The following CNOT1 variants were observed in gnomAD, a reference collection of about 807,000 sequenced individuals.
CNOT1 encodes CCR4-NOT transcription complex subunit 1, also known as CCR4-associated factor 1.
Under a neutral mutation model 273.8 loss-of-function variants are expected in CNOT1, and 15 were observed. The ratio of observed to expected loss-of-function variants is 0.05; its 90% CI spans 0.04 to 0.08. CNOT1 has a LOEUF of 0.08. CNOT1 is among the 10% of genes least tolerant of loss of function. The probability of loss-of-function intolerance (pLI) is 1.00; values close to 1 mark genes in which losing one functional copy is unlikely to be tolerated. For missense variants in CNOT1, 1,644 were observed against 2,912.2 expected, an observed-to-expected ratio of 0.56 and a Z score of 10.02; for synonymous variants, 1,022 against 1,005.5, an observed-to-expected ratio of 1.02 and a Z score of -0.31.
intron 1 of CNOT1, among the ~76,000 whole-genome samples, chr16:58,621,700 C>T (rs1244572597): frequency 6.7e-6 from 1 of 148,980 alleles, no homozygotes; most frequent in Non-Finnish European, 1.5e-5. Context: ...GGGCAGATCA[C>T]GAGGTCAGGA....
intron 38 of CNOT1, 114 bp from the exon 39 acceptor site, chr16:58,537,334 G>C: frequency 7.0e-7 from 1 of 1,419,850 alleles, no homozygotes; most frequent in Non-Finnish European, 9.3e-7. Flanking sequence ...TTACCACTTC[G>C]CTTTACCACT....
chr16:58,568,093 C>G (rs1393492588), intron 16 of CNOT1, among the ~76,000 whole-genome samples: 3 of 152,196 alleles, frequency 2.0e-5, no homozygotes, highest in Non-Finnish European at 4.4e-5. Context: ...GTAAAGAAGG[C>G]CGGGCACGGT....
chr16:58,585,186 C>T, intron 8 of CNOT1, 152 bp downstream of exon 8: 3 of 1,095,844 alleles, frequency 2.7e-6, no homozygotes, highest in East Asian at 2.5e-5. Context: ...ACAGCTGTCA[C>T]ACACACTAGT....
intron 25 of CNOT1, 94 bp downstream of exon 25, chr16:58,549,625 T>A (rs1328425497): frequency 6.8e-7 from 1 of 1,474,392 alleles, no homozygotes; most frequent in Non-Finnish European, 8.9e-7. Context: ...ATATTGACAA[T>A]ATATATGGAA....
At position 58,556,998 on chromosome 16, in the gene CNOT1, A is replaced by G. The variant is rs1171697461; in HGVS notation, c.2333-5T>C. 6.2e-7 allele frequency: 1 copy of G among 1,612,582 alleles called. No homozygotes were observed. The highest frequency in any genetic ancestry group is 8.5e-7 in the Non-Finnish European group (1 of 1,179,614). ...TGCCTGTGCCAAGACCACCTACTAGAGAGAACGAAGGCAGCCACAAATCCT... is the reference window on the plus strand; with the variant it reads ...TGCCTGTGCCAAGACCACCTACTAGGGAGAACGAAGGCAGCCACAAATCCT... On this transcript the variant is annotated splice_region_variant and splice_polypyrimidine_tract_variant and intron_variant, in intron 18 of 48. Transcript: ENST00000317147.
At chr16:58,548,633 T>A (rs906701377) in intron 25 of CNOT1, 1 of 518,722 alleles carries the variant, frequency 1.9e-6, no homozygotes, top group South Asian at 1.4e-5. Context: ...AATATAGTGC[T>A]GGTTCCTAAG....
In CNOT1 at chr16:58,554,826, C is replaced by T. The variant is rs759403012; in HGVS notation, c.2891+425G>A. ...TGGCACGCGTCTGTAATCCCAGCTACTTGAGAGGCTGAGGCAGGAGAATCG... is the reference window on the plus strand; with the variant it reads ...TGGCACGCGTCTGTAATCCCAGCTATTTGAGAGGCTGAGGCAGGAGAATCG... On this transcript the variant is annotated intron_variant, in intron 21 of 48. Coordinates refer to ENST00000317147, the MANE Select transcript of CNOT1 (RefSeq NM_016284.5). Among the ~76,000 whole-genome samples the T allele has an allele frequency of 2.1e-4, 32 of 150,142 alleles. 2 individuals carry two copies. Among genetic ancestry groups the T allele is most frequent in the Non-Finnish European group, 1.6e-4 (11 of 67,600 alleles).
intron 1 of CNOT1, among the ~76,000 whole-genome samples, chr16:58,619,704 G>A (rs988522979): frequency 2.0e-5 from 3 of 152,040 alleles, no homozygotes; most frequent in Non-Finnish European, 1.5e-5. Flanking sequence ...GATTACAGGC[G>A]TGAGCCACCG....
intron 1 of CNOT1, among the ~76,000 whole-genome samples, chr16:58,611,877 CTTCT>C (rs2042914229): frequency 6.6e-6 from 1 of 151,978 alleles, no homozygotes; most frequent in East Asian, 1.9e-4. Context: ...GATGCAATCT[CTTCT>C]TTGAGGACAA....
Position 58,585,516 on chromosome 16 carries a change from G to GA in CNOT1, c.638-11dup. 1 of 1,606,032 alleles carries GA rather than the reference G, an allele frequency of 6.2e-7. No homozygotes were observed. The highest frequency in any genetic ancestry group is 8.5e-7 in the Non-Finnish European group (1 of 1,178,082). On this transcript the variant is annotated splice_polypyrimidine_tract_variant and intron_variant, in intron 7 of 48. Transcript: ENST00000317147. ...CGTTCTTGGGGAAAATCTGAGAGAG[G>GA]AAAAAGGTTACAACTGCTATACTAA... is the stretch of plus-strand genomic sequence containing the variant.
intron 28 of CNOT1, 21 bp downstream of exon 28, chr16:58,546,651 G>T: frequency 6.2e-7 from 1 of 1,613,760 alleles, no homozygotes; most frequent in South Asian, 1.1e-5. Context: ...TGTTCCAGAG[G>T]ACAAGGAAGC....
chr16:58,577,829 G>A (rs2041512049), intron 13 of CNOT1, among the ~76,000 whole-genome samples: 1 of 144,622 alleles, frequency 6.9e-6, no homozygotes, highest in Admixed American at 7.1e-5. Flanking sequence ...GACAGGGCAA[G>A]CAAGATCCTC....
intron 39 of CNOT1, among the ~76,000 whole-genome samples, chr16:58,535,185 C>T (rs17241168): frequency 0.031 from 4,747 of 150,946 alleles, 91 homozygotes; most frequent in Non-Finnish European, 0.045. Context: ...AACCAAGTTC[C>T]GAAAAAAAAA....
chr16:58,572,267 A>C (rs181380630), intron 16 of CNOT1, among the ~76,000 whole-genome samples: 1 of 151,186 alleles, frequency 6.6e-6, no homozygotes, highest in Non-Finnish European at 1.5e-5. Context: ...CTGGGCAACA[A>C]GAGCAAAACT....
intron 25 of CNOT1, among the ~76,000 whole-genome samples, chr16:58,549,138 A>G (rs2040361875): frequency 6.6e-6 from 1 of 152,024 alleles, no homozygotes; most frequent in Non-Finnish European, 1.5e-5. Context: ...AAAATATAAA[A>G]ATTAGCTGGG....
chr16:58,542,134 A>G, intron 33 of CNOT1, 97 bp downstream of exon 33: 1 of 1,407,936 alleles, frequency 7.1e-7, no homozygotes, highest in South Asian at 1.3e-5. Context: ...AACAATATTT[A>G]ACCCTGCTGT....
chr16:58,589,249 A>C (rs2041972469), intron 2 of CNOT1, among the ~76,000 whole-genome samples: 1 of 152,182 alleles, frequency 6.6e-6, no homozygotes, highest in African/African-American at 2.4e-5. Flanking sequence ...GCAGTGGCTC[A>C]CGCCTGTAAT....
At chr16:58,528,412 C>A in intron 44 of CNOT1, 63 bp downstream of exon 44, 1 of 1,182,448 alleles carries the variant, frequency 8.5e-7, no homozygotes, top group South Asian at 1.3e-5. Flanking sequence ...GAACAGTCTA[C>A]TTATCAGAGA....
chr16:58,521,348 T>C (rs761288497), intron 47 of CNOT1, 31 bp from the exon 48 acceptor site: 10 of 1,569,414 alleles, frequency 6.4e-6, no homozygotes, highest in Admixed American at 2.1e-5. Flanking sequence ...CTAGTTAATG[T>C]ATAGAAGCAT....
Sources: allele counts gnomAD v4.1 joint callset (sites outside exome capture counted in the v4.1 genomes callset), GRCh38; gene constraint gnomAD v4.1.1; transcripts MANE v1.5; gene names NCBI Gene and HGNC (gene_info 2026-07-23, HGNC 2026-07-21).